METTL22: variants seen among roughly 807,000 people sequenced by gnomAD.
The protein encoded by METTL22 is methyltransferase 22, Kin17 lysine, also known as methyltransferase-like protein 22.
Under a neutral mutation model 48.4 loss-of-function variants are expected in METTL22, and 51 were observed. The ratio of observed to expected loss-of-function variants is 1.05; its 90% CI spans 0.84 to 1.33. The LOEUF is 1.33. Among genes scored for constraint, METTL22 ranks in the 40% most tolerant of loss-of-function variants. The probability of loss-of-function intolerance (pLI) is 0.00; values close to 1 mark genes in which losing one functional copy is unlikely to be tolerated. For synonymous variants in METTL22, 255 were observed against 214.1 expected, an observed-to-expected ratio of 1.19 and a Z score of -1.67; for missense variants, 678 against 526.9, an observed-to-expected ratio of 1.29 and a Z score of -2.81.
chr16:8,629,077 G>C lies in METTL22; in HGVS notation c.481G>C (p.Ala161Pro). ...QEEDDVLGEE[A>P]QGSPHDIIRI... ...AGAAGACGACGTCCTGGGAGAGGAA[G>C]CACAAGGCAGCCCGCACGATATCAT... is the stretch of plus-strand genomic sequence containing the variant. The change falls in exon 3 of 11, where the codon GCA (alanine) becomes CCA (proline). Residue 161 changes from alanine (A) to proline (P), a missense_variant. Coordinates refer to ENST00000381920, the MANE Select transcript of METTL22 (RefSeq NM_024109.4). 1 of 1,613,680 alleles carries C rather than the reference G, an allele frequency of 6.2e-7. No individual in the cohort carries two copies. Among genetic ancestry groups the C allele is most frequent in the South Asian group, 1.1e-5 (1 of 91,078 alleles).
intron 3 of METTL22, among the ~76,000 whole-genome samples, chr16:8,633,765 G>A (rs1044544610): frequency 6.6e-6 from 1 of 152,240 alleles, no homozygotes; most frequent in Non-Finnish European, 1.5e-5. Flanking sequence ...GATTAAATGA[G>A]AAAGCATTTA....
chr16:8,664,592 C>G, the METTL22 span, among the ~76,000 whole-genome samples: 6 of 152,118 alleles, frequency 3.9e-5, no homozygotes, highest in Non-Finnish European at 2.9e-5. Flanking sequence ...TAGCTAGGAC[C>G]TAGGCACATA....
chr16:8,638,108 C>G (rs565609416), intron 5 of METTL22, among the ~76,000 whole-genome samples: 79 of 24,082 alleles, frequency 3.3e-3, no homozygotes, highest in African/African-American at 9.3e-3. Context: ...GGTTGCACCA[C>G]TGTACTTCAG....
intron 6 of METTL22, 137 bp downstream of exon 6, chr16:8,639,299 C>A: frequency 1.3e-6 from 1 of 759,310 alleles, no homozygotes. Flanking sequence ...GAGCAGGCGT[C>A]GTCTGGGCAT....
At position 8,641,185 on chromosome 16, in the gene METTL22, G is replaced by A; in HGVS notation, c.826+1G>A. 6.2e-7 allele frequency: 1 copy of A among 1,613,946 alleles called. No homozygotes were observed. On this transcript the variant is annotated splice_donor_variant, in intron 7 of 10. Coordinates refer to ENST00000381920, the MANE Select transcript of METTL22 (RefSeq NM_024109.4). LOFTEE classifies it high-confidence loss of function. ...TGGCTGAAGGACGACCTCTGCACAG[G>A]TGTGTGTTTCTCTCGGACGTCCCCC... is the stretch of plus-strand genomic sequence containing the variant.
the METTL22 span, among the ~76,000 whole-genome samples, chr16:8,661,115 T>C: frequency 2.0e-5 from 3 of 152,160 alleles, no homozygotes. Context: ...TGCTGGCCCC[T>C]GGCAGGATTC....
At chr16:8,635,890 G>A (rs1191010674) in intron 5 of METTL22, among the ~76,000 whole-genome samples, 1 of 152,214 alleles carries the variant, frequency 6.6e-6, no homozygotes, top group Admixed American at 6.5e-5. Context: ...TCCTCCAAAT[G>A]ATAGCTGAAA....
chr16:8,633,839 A>AAAG, intron 3 of METTL22, among the ~76,000 whole-genome samples: 1 of 152,258 alleles, frequency 6.6e-6, no homozygotes, highest in Admixed American at 6.5e-5. Context: ...GTAATGCTGA[A>AAAG]CCTTAGTCAG....
At chr16:8,634,460 G>T (rs2056362285) in intron 3 of METTL22, among the ~76,000 whole-genome samples, 1 of 151,578 alleles carries the variant, frequency 6.6e-6, no homozygotes, top group Admixed American at 6.6e-5. Context: ...ATCCTATTAG[G>T]GTATATTATA....
chr16:8,632,976 C>G (rs2056312058), intron 3 of METTL22, among the ~76,000 whole-genome samples: 1 of 152,074 alleles, frequency 6.6e-6, no homozygotes, highest in Non-Finnish European at 1.5e-5. Flanking sequence ...GCAGCAGGAA[C>G]CCTTAGGACA....
At chr16:8,622,140 A>C (rs1311360079) in intron 1 of METTL22, among the ~76,000 whole-genome samples, 1 of 152,218 alleles carries the variant, frequency 6.6e-6, no homozygotes, top group East Asian at 1.9e-4. Context: ...GCCCCTCACT[A>C]CCACTCTACG....
At chr16:8,634,486 A>C (rs2056363253) in intron 3 of METTL22, among the ~76,000 whole-genome samples, 1 of 152,172 alleles carries the variant, frequency 6.6e-6, no homozygotes, top group Non-Finnish European at 1.5e-5. Flanking sequence ...AAAATATATT[A>C]TATTTTGCAC....
At chr16:8,642,734 A>G (rs1480104676) in intron 9 of METTL22, 169 bp downstream of exon 9, 6 of 680,980 alleles carry the variant, frequency 8.8e-6, no homozygotes, top group East Asian at 7.9e-5. Flanking sequence ...ACTGCACTGA[A>G]TCTGCATCCT....
At chr16:8,627,430 C>A (rs1179711479) in intron 2 of METTL22, among the ~76,000 whole-genome samples, 1 of 152,158 alleles carries the variant, frequency 6.6e-6, no homozygotes, top group Non-Finnish European at 1.5e-5. Flanking sequence ...TTCCTCCCCT[C>A]CTGGCTCCTC....
In METTL22 at chr16:8,640,893, A is replaced by AATGGATGGATGG. The variant is rs1406391890; in HGVS notation, c.773-197_773-186dup. ...AGATGGGCAGGTGGGTGGGTGGGTG[A>AATGGATGGATGG]ATGGATGGATGGATGGATGGATGGA... On this transcript the variant is annotated intron_variant, in intron 6 of 10. Transcript: ENST00000381920. Among the ~76,000 whole-genome samples the AATGGATGGATGG allele has an allele frequency of 7.0e-4, 9 of 12,930 alleles. 1 individual carries two copies. Among genetic ancestry groups the AATGGATGGATGG allele is most frequent in the African/African-American group, 1.3e-3 (5 of 3,754 alleles). The allele number at this position is 12,930 out of a possible 152,430, so 8.5% of individuals were successfully genotyped here. A position where few individuals can be genotyped will look rare whatever the true frequency, so the allele number is the denominator to read the frequency against.
chr16:8,659,425 A>C, the METTL22 span, among the ~76,000 whole-genome samples: 41 of 152,212 alleles, frequency 2.7e-4, no homozygotes, highest in Middle Eastern at 0.01. Context: ...TGAATTGCCC[A>C]GCCTGACCCT....
chr16:8,641,207 C>G (rs199810092), intron 7 of METTL22, 23 bp downstream of exon 7: 17 of 1,612,840 alleles, frequency 1.1e-5, no homozygotes, highest in Non-Finnish European at 1.4e-5. Context: ...CTCGGACGTC[C>G]CCCAGTATGA....
rs1044272608 is a variant in METTL22, at chr16:8,625,562, C to T, written c.-104C>T. The T allele has an allele frequency of 3.6e-5, 41 of 1,126,108 alleles. No homozygotes were observed. Among genetic ancestry groups the T allele is most frequent in the Non-Finnish European group, 5.1e-5 (41 of 807,532 alleles). The allele number at this position is 1,126,108 out of a possible 1,614,324, so 69.8% of individuals were successfully genotyped here. On this transcript the variant is annotated 5_prime_UTR_variant, in exon 2 of 11. Transcript: ENST00000381920. ...AGGGCGATGCAAAGCTACTCGCTAC[C>T]AGCTTGGACCTGTCTGCAGTATCTC...
chr16:8,661,597 A>T, the METTL22 span, among the ~76,000 whole-genome samples: 2 of 129,886 alleles, frequency 1.5e-5, no homozygotes, highest in Non-Finnish European at 3.2e-5. Context: ...GTGAGCCGAG[A>T]TTGAGCCACT....
Sources: gnomAD v4.1 joint callset for allele counts (sites outside exome capture counted in the v4.1 genomes callset) on GRCh38, gnomAD v4.1.1 for gene constraint, MANE v1.5 for transcripts, NCBI Gene and HGNC (gene_info 2026-07-23, HGNC 2026-07-21) for gene names.